The following SPAG16 variants were observed in gnomAD, a reference collection of about 807,000 sequenced individuals.
The protein encoded by SPAG16 is sperm associated antigen 16, also known as sperm-associated antigen 16 protein.
SPAG16 carries 86 observed loss-of-function variants against 80.4 expected under a neutral mutation model. The ratio of observed to expected loss-of-function variants is 1.07; its 90% CI spans 0.90 to 1.28. The LOEUF is 1.28. SPAG16 is among the 50% of genes most tolerant of loss of function. The probability of loss-of-function intolerance (pLI) is 0.00; values close to 1 mark genes in which losing one functional copy is unlikely to be tolerated. For missense variants in SPAG16, 870 were observed against 765.3 expected (o/e 1.14, Z -1.61); for synonymous variants, 294 against 265.9 (o/e 1.11, Z -1.03).
chr2:213,527,951 G>A (rs1312095957), intron 10 of SPAG16, among the ~76,000 whole-genome samples: 1 of 151,984 alleles, frequency 6.6e-6, no homozygotes, highest in Non-Finnish European at 1.5e-5. Context: ...TATAGATATG[G>A]ATGAGAGGCT....
chr2:214,410,161 G>A lies in SPAG16; in HGVS notation c.1742G>A (p.Ser581Asn), dbSNP rs1702221579. The A allele has an allele frequency of 8.7e-6, 14 of 1,613,926 alleles. No individual in the cohort carries two copies. Among genetic ancestry groups the A allele is most frequent in the Non-Finnish European group, 1.2e-5 (14 of 1,179,846 alleles). Residue 581 changes from serine (S) to asparagine (N), a missense_variant, in exon 16 of 16, where the codon AGT becomes AAT. By Grantham distance (46) the Ser-to-Asn change is conservative. Coordinates refer to ENST00000331683, the MANE Select transcript of SPAG16 (RefSeq NM_024532.5). Reference sequence around the variant, plus strand: ...TCAGGTCGAGTTTTAGCTCAGGCAAGTGGCAATGGTGTTATCCATTTGCTA... The same window carrying A: ...TCAGGTCGAGTTTTAGCTCAGGCAAATGGCAATGGTGTTATCCATTTGCTA... The part of the protein sequence containing the change: ...DSSGRVLAQA[S>N]GNGVIHLLDL...
At chr2:213,981,762 T>C (rs1230189724) in intron 12 of SPAG16, among the ~76,000 whole-genome samples, 1 of 152,034 alleles carries the variant, frequency 6.6e-6, no homozygotes, top group Non-Finnish European at 1.5e-5. Context: ...TATATTGTGG[T>C]AGATTATATG....
intron 10 of SPAG16, among the ~76,000 whole-genome samples, chr2:213,683,706 A>G (rs2064511894): frequency 6.6e-6 from 1 of 152,164 alleles, no homozygotes; most frequent in African/African-American, 2.4e-5. Flanking sequence ...CCTCACCTAT[A>G]GAGTCTATTG....
At chr2:213,906,066 G>T (rs1156502008) in intron 11 of SPAG16, among the ~76,000 whole-genome samples, 1 of 152,104 alleles carries the variant, frequency 6.6e-6, no homozygotes, top group East Asian at 1.9e-4. Context: ...GCAACAGACA[G>T]GAAGGTCTTA....
intron 15 of SPAG16, among the ~76,000 whole-genome samples, chr2:214,320,146 C>T (rs578083312): frequency 1.3e-5 from 2 of 152,320 alleles, no homozygotes; most frequent in South Asian, 2.1e-4. Context: ...ACCCTAAATT[C>T]TTCTATCTAG....
At chr2:214,174,692 A>T (rs1046138741) in intron 15 of SPAG16, among the ~76,000 whole-genome samples, 2 of 151,730 alleles carry the variant, frequency 1.3e-5, no homozygotes, top group Non-Finnish European at 3.0e-5. Context: ...TCTGTGCCAT[A>T]CATACAGTAT....
At chr2:214,134,553 G>T (rs538946289) in intron 14 of SPAG16, among the ~76,000 whole-genome samples, 1 of 152,086 alleles carries the variant, frequency 6.6e-6, no homozygotes, top group East Asian at 1.9e-4. Context: ...ATCGGCACAG[G>T]CTCCATAAAT....
chr2:214,065,851 G>A (rs2050504583), intron 13 of SPAG16, among the ~76,000 whole-genome samples: 2 of 151,696 alleles, frequency 1.3e-5, no homozygotes, highest in Admixed American at 6.6e-5. Context: ...GACTAGTTAA[G>A]CAAACTCATA....
chr2:213,344,237 A>G (rs1188627668), intron 6 of SPAG16, among the ~76,000 whole-genome samples: 4 of 152,136 alleles, frequency 2.6e-5, no homozygotes, highest in Non-Finnish European at 4.4e-5. Context: ...TTATAACAGT[A>G]TATAATTGCT....
At chr2:213,814,279 C>T (rs1213682761) in intron 10 of SPAG16, among the ~76,000 whole-genome samples, 1 of 152,176 alleles carries the variant, frequency 6.6e-6, no homozygotes, top group East Asian at 1.9e-4. Flanking sequence ...ACTCTTAAGA[C>T]ATTCAGCTGG....
At chr2:213,473,022 T>A (rs1464582221) in intron 9 of SPAG16, among the ~76,000 whole-genome samples, 1 of 152,228 alleles carries the variant, frequency 6.6e-6, no homozygotes, top group Non-Finnish European at 1.5e-5. Flanking sequence ...GTCTGTAAAC[T>A]GGCTCAAGTC....
chr2:214,125,987 TTTCCTTCCTTCTTTCCTTCC>T (rs2054456238), intron 14 of SPAG16, among the ~76,000 whole-genome samples: 1 of 140,452 alleles, frequency 7.1e-6, no homozygotes, highest in Admixed American at 7.7e-5. Context: ...CTGACTTTCT[TTTCCTTCCTTCTTTCCTTCC>T]TTCCTTCCTT....
intron 15 of SPAG16, among the ~76,000 whole-genome samples, chr2:214,211,802 C>A (rs900233889): frequency 2.0e-5 from 3 of 152,140 alleles, no homozygotes; most frequent in African/African-American, 7.2e-5. Flanking sequence ...TTTCCCTGAC[C>A]AGAAAATGGC....
At chr2:213,857,114 C>T (rs2075208618) in intron 10 of SPAG16, among the ~76,000 whole-genome samples, 1 of 152,076 alleles carries the variant, frequency 6.6e-6, no homozygotes, top group African/African-American at 2.4e-5. Context: ...CCTGAAATCC[C>T]AGCTACTCAG....
At chr2:213,912,229 AAAAG>A (rs2077708557) in intron 11 of SPAG16, among the ~76,000 whole-genome samples, 1 of 152,198 alleles carries the variant, frequency 6.6e-6, no homozygotes, top group Admixed American at 6.5e-5. Context: ...TTTATTCTGA[AAAAG>A]AAATGATATC....
intron 10 of SPAG16, among the ~76,000 whole-genome samples, chr2:213,739,372 A>G (rs534867002): frequency 6.6e-6 from 1 of 152,366 alleles, no homozygotes; most frequent in South Asian, 2.1e-4. Flanking sequence ...TATTCATTGA[A>G]TAAATTCTCA....
At chr2:213,809,807 A>C (rs75093760) in intron 10 of SPAG16, among the ~76,000 whole-genome samples, 3,214 of 152,260 alleles carry the variant, frequency 0.021, 110 homozygotes, top group African/African-American at 0.07. Context: ...TTATATGTAG[A>C]TGTGCATGTT....
At chr2:213,458,026 A>T (rs1334611940) in intron 9 of SPAG16, among the ~76,000 whole-genome samples, 1 of 152,152 alleles carries the variant, frequency 6.6e-6, no homozygotes, top group African/African-American at 2.4e-5. Context: ...TCTAATATAA[A>T]CTAGTACTTT....
intron 15 of SPAG16, among the ~76,000 whole-genome samples, chr2:214,363,674 A>C (rs891619764): frequency 6.6e-6 from 1 of 152,012 alleles, no homozygotes; most frequent in Admixed American, 6.6e-5. Flanking sequence ...GGGCATATGC[A>C]GGGGGGCTGA....
Sources: gnomAD v4.1 joint callset for allele counts (sites outside exome capture counted in the v4.1 genomes callset) on GRCh38, gnomAD v4.1.1 for gene constraint, MANE v1.5 for transcripts, NCBI Gene and HGNC (gene_info 2026-07-23, HGNC 2026-07-21) for gene names.